PRELID2: variants seen among roughly 807,000 people sequenced by gnomAD.
PRELID2 encodes the protein PRELI domain containing 2, also known as PRELI domain-containing protein 2.
In PRELID2, 25 loss-of-function variants were observed where a neutral mutation model predicts 28.4. The observed-to-expected ratio is 0.88, with a 90% CI of 0.64 to 1.23. The LOEUF (loss-of-function observed/expected upper bound fraction) is 1.23, where lower values mean the gene tolerates loss of function less well. PRELID2 is among the 50% of genes most tolerant of loss of function. The pLI is 0.00. For synonymous variants in PRELID2, 76 were observed against 71.6 expected, an observed-to-expected ratio of 1.06 and a Z score of -0.31; for missense variants, 201 against 214.4, an observed-to-expected ratio of 0.94 and a Z score of 0.39.
chr5:145,384,227 T>C, the PRELID2 span, among the ~76,000 whole-genome samples: 2 of 152,180 alleles, frequency 1.3e-5, no homozygotes, highest in Non-Finnish European at 2.9e-5. Context: ...GTAAAATTGG[T>C]CATCCACTTA....
At chr5:145,647,889 T>A (rs558033951) in intron 1 of PRELID2, among the ~76,000 whole-genome samples, 1 of 152,176 alleles carries the variant, frequency 6.6e-6, no homozygotes, top group East Asian at 1.9e-4. Flanking sequence ...CAAGTCCCAA[T>A]GAGATGAACT....
chr5:145,761,629 T>C (rs1219275832), intron 6 of PRELID2, among the ~76,000 whole-genome samples: 1 of 152,240 alleles, frequency 6.6e-6, no homozygotes, highest in Non-Finnish European at 1.5e-5. Flanking sequence ...CAGTAAATAT[T>C]ATAGGCTTTG....
chr5:145,804,337 C>T (rs559157746), intron 4 of PRELID2, among the ~76,000 whole-genome samples: 22 of 152,060 alleles, frequency 1.4e-4, no homozygotes, highest in Admixed American at 1.2e-3. Flanking sequence ...GATGAAACCC[C>T]ATGTCTACCA....
chr5:145,788,744 A>G (rs1752169786), intron 5 of PRELID2, among the ~76,000 whole-genome samples: 2 of 151,080 alleles, frequency 1.3e-5, no homozygotes, highest in African/African-American at 4.9e-5. Flanking sequence ...TGGCAACATG[A>G]TCTTATATAT....
chr5:145,739,543 A>G (rs1756591901), intron 1 of PRELID2, among the ~76,000 whole-genome samples: 1 of 152,170 alleles, frequency 6.6e-6, no homozygotes, highest in East Asian at 1.9e-4. Context: ...AACAAGAAAG[A>G]AAGAATAAAG....
rs1043759749 is a variant in PRELID2, at chr5:145,757,744, G to C, written c.*2792C>G. ...TGGGAGGCAGAGGCAGAGGCAGGAG[G>C]ATCATTTGAGGCCAGAAGTTCAAGA... On this transcript the variant is annotated 3_prime_UTR_variant, in exon 7 of 7. Coordinates refer to ENST00000683046, the MANE Select transcript of PRELID2 (RefSeq NM_205846.3). Among the ~76,000 whole-genome samples, 2 of 148,812 alleles carry C rather than the reference G, an allele frequency of 1.3e-5. No individual in the cohort carries two copies. Among genetic ancestry groups the C allele is most frequent in the African/African-American group, 5.0e-5 (2 of 40,286 alleles).
the PRELID2 span, among the ~76,000 whole-genome samples, chr5:145,258,342 A>C: frequency 6.6e-6 from 1 of 152,212 alleles, no homozygotes; most frequent in Non-Finnish European, 1.5e-5. Flanking sequence ...GAAGAAAGGA[A>C]GATGAGGGAA....
At chr5:145,402,958 A>G in the PRELID2 span, among the ~76,000 whole-genome samples, 3 of 152,208 alleles carry the variant, frequency 2.0e-5, no homozygotes, top group African/African-American at 7.2e-5. Context: ...AAGGGAAATT[A>G]GAGTCCAAAG....
chr5:145,768,844 C>T (rs765568321), intron 5 of PRELID2, among the ~76,000 whole-genome samples: 2 of 151,872 alleles, frequency 1.3e-5, no homozygotes, highest in East Asian at 3.9e-4. Flanking sequence ...TTTTCCCCCC[C>T]TCTCATACCA....
At chr5:145,600,635 A>G (rs890464696) in intron 1 of PRELID2, among the ~76,000 whole-genome samples, 3 of 151,890 alleles carry the variant, frequency 2.0e-5, no homozygotes, top group South Asian at 2.1e-4. Flanking sequence ...ATTGGAGGAA[A>G]AACTCTCGAT....
chr5:145,681,342 CTA>C (rs1754932400), intron 1 of PRELID2, among the ~76,000 whole-genome samples: 1 of 152,122 alleles, frequency 6.6e-6, no homozygotes, highest in Non-Finnish European at 1.5e-5. Context: ...ATTATCTTGG[CTA>C]CATGATATGG....
At chr5:145,432,897 T>C in the PRELID2 span, among the ~76,000 whole-genome samples, 29,541 of 152,100 alleles carry the variant, frequency 0.19, 3,420 homozygotes, top group South Asian at 0.34. Context: ...TAAAGTTCAA[T>C]GTAGGGGATT....
chr5:145,507,687 T>C (rs1752424165), intron 1 of PRELID2, among the ~76,000 whole-genome samples: 1 of 152,158 alleles, frequency 6.6e-6, no homozygotes, highest in South Asian at 2.1e-4. Flanking sequence ...TTTCACTGGC[T>C]TTTGTTTCCA....
chr5:145,288,471 A>C, the PRELID2 span, among the ~76,000 whole-genome samples: 1 of 152,028 alleles, frequency 6.6e-6, no homozygotes, highest in Non-Finnish European at 1.5e-5. Flanking sequence ...AAATTTTGAC[A>C]ATATAAGGTG....
the PRELID2 span, among the ~76,000 whole-genome samples, chr5:145,443,964 CATTT>C: frequency 1.3e-5 from 2 of 152,046 alleles, no homozygotes; most frequent in Admixed American, 1.3e-4. Context: ...TCAGGTAGCA[CATTT>C]ATTATGAAAT....
Position 145,835,191 on chromosome 5 carries a change from T to G in PRELID2, c.61A>C (p.Ser21Arg). 1 of 1,549,464 alleles carries G rather than the reference T, an allele frequency of 6.5e-7. No individual in the cohort carries two copies. The highest frequency in any genetic ancestry group is 8.7e-7 in the Non-Finnish European group (1 of 1,145,722). Residue 21 changes from serine (S) to arginine (R), a missense_variant, in exon 1 of 7, where the codon AGC becomes CGC. Physicochemically the swap from Ser to Arg is moderately radical, Grantham distance 110. Coordinates refer to ENST00000683046, the MANE Select transcript of PRELID2 (RefSeq NM_205846.3). ...CGGGGCGGTACCTTTCGGAGAAAGC[T>G]GGCGACCACCTGCTCGAAGGGGTAC... is the stretch of plus-strand genomic sequence containing the variant. ...YKYPFEQVVA[S>R]FLRKYPNPMD...
chr5:145,578,628 T>C (rs374243287), intron 1 of PRELID2, among the ~76,000 whole-genome samples: 2 of 152,084 alleles, frequency 1.3e-5, no homozygotes, highest in South Asian at 4.1e-4. Flanking sequence ...ACAGATATAG[T>C]TTTATGATGG....
At chr5:145,299,302 TATC>T in the PRELID2 span, among the ~76,000 whole-genome samples, 1,600 of 152,250 alleles carry the variant, frequency 0.011, 22 homozygotes, top group African/African-American at 0.035. Flanking sequence ...GTCTCATAAA[TATC>T]ATCATTATTA....
At chr5:145,617,778 G>A (rs1753720170) in intron 1 of PRELID2, among the ~76,000 whole-genome samples, 5 of 150,708 alleles carry the variant, frequency 3.3e-5, no homozygotes, top group Admixed American at 3.3e-4. Flanking sequence ...TTATTGCCCA[G>A]GCTGGAGTGA....
Sources: gnomAD v4.1 joint callset for allele counts (sites outside exome capture counted in the v4.1 genomes callset) on GRCh38, gnomAD v4.1.1 for gene constraint, MANE v1.5 for transcripts, NCBI Gene and HGNC (gene_info 2026-07-23, HGNC 2026-07-21) for gene names.